RASSF5: variants seen among roughly 807,000 people sequenced by gnomAD.
RASSF5 encodes Ras association domain family member 5.
A neutral mutation model predicts 40.5 loss-of-function variants in RASSF5; 25 were observed. The observed-to-expected ratio is 0.62, with a 90% confidence interval of 0.45 to 0.86. The LOEUF is 0.86. Ranked by LOEUF, RASSF5 falls within the 40% of genes least tolerant of loss-of-function variation. The pLI is 0.00. For synonymous variants in RASSF5, 246 were observed against 252.4 expected (o/e 0.97, Z 0.24); for missense variants, 521 against 572.8 (o/e 0.91, Z 0.92).
chr1:206,586,509 A>C, intron 5 of RASSF5: 1 of 252,676 alleles, frequency 4.0e-6, no homozygotes, highest in South Asian at 4.7e-5. Flanking sequence ...GCATGTTGGG[A>C]GGCTGGGTGG....
chr1:206,576,202 C>T (rs150322923), intron 2 of RASSF5, among the ~76,000 whole-genome samples: 193 of 152,354 alleles, frequency 1.3e-3, no homozygotes, highest in African/African-American at 4.4e-3. Flanking sequence ...GCCACACAGG[C>T]TCTGAAATCA....
Position 206,585,200 on chromosome 1 carries a change from A to G in RASSF5, c.1009A>G (p.Ile337Val), listed in dbSNP as rs782558201. ...DGQVLFQKLS[I>V]ADRPLYLRLL... ...TGCAGTGCTCTTCCAGAAACTCTCC[A>G]TTGCTGACCGCCCCCTCTACCTGCG... Residue 337 changes from isoleucine to valine, a missense_variant, in exon 5 of 6, where the codon ATT (isoleucine) becomes GTT (valine). Ile to Val is a conservative substitution (Grantham distance 29). Transcript: ENST00000579436. 4.4e-5 allele frequency: 71 copies of G among 1,613,672 alleles called. No homozygotes were observed. Among genetic ancestry groups the G allele is most frequent in the Non-Finnish European group, 5.7e-5 (67 of 1,179,890 alleles).
intron 2 of RASSF5, among the ~76,000 whole-genome samples, chr1:206,562,763 TC>T (rs1482121988): frequency 1.3e-5 from 2 of 152,030 alleles, no homozygotes; most frequent in Non-Finnish European, 2.9e-5. Flanking sequence ...AAACCCCATC[TC>T]TACTGAAAAA....
chr1:206,510,696 T>A (rs1666592755), intron 1 of RASSF5, among the ~76,000 whole-genome samples: 1 of 152,180 alleles, frequency 6.6e-6, no homozygotes, highest in Non-Finnish European at 1.5e-5. Flanking sequence ...ATGCCACTCC[T>A]ACCTGATGTC....
chr1:206,583,140 C>T, intron 2 of RASSF5, 129 bp from the exon 3 acceptor site: 1 of 654,260 alleles, frequency 1.5e-6, no homozygotes, highest in South Asian at 1.6e-5. Context: ...CGAGTCCGTG[C>T]AGTTAGTTCC....
At chr1:206,546,848 G>A (rs1164813875) in intron 2 of RASSF5, among the ~76,000 whole-genome samples, 3 of 152,290 alleles carry the variant, frequency 2.0e-5, no homozygotes, top group African/African-American at 7.2e-5. Flanking sequence ...TCTATCAAAT[G>A]TGCATCTCTT....
At chr1:206,544,587 C>T (rs1553399847) in intron 2 of RASSF5, 1 of 152,258 alleles carries the variant, frequency 6.6e-6, no homozygotes, top group Non-Finnish European at 1.5e-5. Context: ...CACTATTCCA[C>T]CCTGTGGATG....
At position 206,567,483 on chromosome 1, in the gene RASSF5, G is replaced by A. The variant is rs1041276660; in HGVS notation, c.580-15786G>A. 2.0e-5 allele frequency among the ~76,000 whole-genome samples: 3 copies of A among 152,154 alleles called. No individual in the cohort carries two copies. In the South Asian group the frequency reaches 6.2e-4, roughly 32 times the overall value. On this transcript the variant is annotated intron_variant, in intron 2 of 5. Transcript: ENST00000579436. ...GGCACCCACAGTCAATGGATGGAGC[G>A]GGGAGGAGCAGGCTGTACTGGGGCC...
chr1:206,543,828 A>G (rs1382961807), intron 2 of RASSF5: 1 of 152,148 alleles, frequency 6.6e-6, no homozygotes, highest in East Asian at 1.9e-4. Flanking sequence ...ATCTGTGCTC[A>G]CTGCAACCTC....
At chr1:206,569,937 C>T (rs541497110) in intron 2 of RASSF5, among the ~76,000 whole-genome samples, 2 of 152,252 alleles carry the variant, frequency 1.3e-5, no homozygotes, top group South Asian at 2.1e-4. Context: ...GTGGCATTGA[C>T]TCCTCGCTTG....
At chr1:206,511,659 T>G (rs1666615464) in intron 1 of RASSF5, among the ~76,000 whole-genome samples, 1 of 152,164 alleles carries the variant, frequency 6.6e-6, no homozygotes, top group Non-Finnish European at 1.5e-5. Flanking sequence ...ACCTCCCCAC[T>G]CTGTGATAGA....
At chr1:206,517,496 G>A (rs1408350769) in intron 1 of RASSF5, among the ~76,000 whole-genome samples, 1 of 152,104 alleles carries the variant, frequency 6.6e-6, no homozygotes, top group Non-Finnish European at 1.5e-5. Context: ...AAGAACAAGT[G>A]TCCCTCCTTC....
chr1:206,507,801 C>G lies in RASSF5; in HGVS notation c.199C>G (p.Arg67Gly), dbSNP rs1666497100. ...REGRSARRAA[R>G]GNLEPPPRAS... ...GGGGCGCAGCGCCCGGAGGGCTGCC[C>G]GGGGGAACCTGGAGCCCCCGCCCCG... The change falls in exon 1 of 6, where the codon CGG becomes GGG. Residue 67 changes from arginine (R) to glycine (G), a missense_variant. Arg to Gly is a moderately radical substitution (Grantham distance 125). Coordinates refer to ENST00000579436, the MANE Select transcript of RASSF5 (RefSeq NM_182663.4). 7.2e-7 allele frequency: 1 copy of G among 1,397,256 alleles called. No individual in the cohort carries two copies. 86.6% of individuals were successfully genotyped at this position (1,397,256 alleles called of 1,614,324 possible).
chr1:206,522,129 C>T (rs782746694), intron 1 of RASSF5, among the ~76,000 whole-genome samples: 4 of 151,994 alleles, frequency 2.6e-5, no homozygotes, highest in African/African-American at 7.3e-5. Flanking sequence ...CTCTCTCTCT[C>T]GAATCCTTTC....
At position 206,513,453 on chromosome 1, in the gene RASSF5, T is replaced by C. The variant is rs74454264; in HGVS notation, c.457+5394T>C. On this transcript the variant is annotated intron_variant, in intron 1 of 5. Transcript: ENST00000579436. The surrounding 1 kb of genome is among the most constrained non-coding windows in gnomAD (Gnocchi z 5.0). ...AGCCCTTCTGAGGGAACCATGTTCC[T>C]GGGGCTCAGTCAGCACCAGCTGGTA... 1.3e-5 allele frequency among the ~76,000 whole-genome samples: 2 copies of C among 152,238 alleles called. No individual in the cohort carries two copies. The highest frequency in any genetic ancestry group is 1.9e-4 in the East Asian group (1 of 5,202).
Position 206,525,608 on chromosome 1 carries a change from AAAAACAAAAC to A in RASSF5, c.458-12549_458-12540del, listed in dbSNP as rs373243297. ...TAATTGTTTTGGAGAGCTGTTTTAC[AAAAACAAAAC>A]AAAACAAAACAAAATTGTTTTAATT... On this transcript the variant is annotated intron_variant, in intron 1 of 5. Transcript: ENST00000579436. 6.0e-3 allele frequency among the ~76,000 whole-genome samples: 915 copies of A among 152,274 alleles called. 11 individuals carry two copies. The highest frequency in any genetic ancestry group is 0.021 in the African/African-American group (854 of 41,546).
Position 206,585,303 on chromosome 1 carries a change from T to C in RASSF5, c.1104+8T>C. 1.9e-6 allele frequency: 3 copies of C among 1,610,428 alleles called. No homozygotes were observed. Among genetic ancestry groups the C allele is most frequent in the Non-Finnish European group, 2.5e-6 (3 of 1,176,636 alleles). ...GAAACTGGAGAGGTAGAGGTAGGTC[T>C]GGACCCATTGTGCAAACCCAGGCCT... On this transcript the variant is annotated splice_region_variant and intron_variant, in intron 5 of 5. Transcript: ENST00000579436.
chr1:206,573,675 A>G (rs781980629), intron 2 of RASSF5, among the ~76,000 whole-genome samples: 11 of 152,346 alleles, frequency 7.2e-5, no homozygotes, highest in Non-Finnish European at 1.2e-4. Context: ...GCTTCAGTCT[A>G]GTTGGGAAGA....
intron 2 of RASSF5, among the ~76,000 whole-genome samples, chr1:206,561,502 T>C (rs12563848): frequency 0.17 from 25,330 of 152,062 alleles, 2,397 homozygotes; most frequent in Middle Eastern, 0.35. Flanking sequence ...CTTACAACTT[T>C]AGTGACTTAA....
Sources: gnomAD v4.1 joint callset for allele counts (sites outside exome capture counted in the v4.1 genomes callset) on GRCh38, gnomAD v4.1.1 for gene constraint, Gnocchi (gnomAD v3.1) non-coding constraint, MANE v1.5 for transcripts, NCBI Gene and HGNC (gene_info 2026-07-23, HGNC 2026-07-21) for gene names.